Variants in BCAR1 observed in about 807,000 individuals in gnomAD.
BCAR1 encodes breast cancer anti-estrogen resistance protein 1.
Under a neutral mutation model 67.6 loss-of-function variants are expected in BCAR1, and 30 were observed. The observed-to-expected ratio is 0.44, with a 90% CI of 0.33 to 0.60. The LOEUF (loss-of-function observed/expected upper bound fraction) is 0.60. Among genes scored for constraint, BCAR1 ranks in the 20% least tolerant of loss-of-function variants. BCAR1 has a pLI of 0.02. For missense variants in BCAR1, 1,313 were observed against 1,222.3 expected, an observed-to-expected ratio of 1.07 and a Z score of -1.11; for synonymous variants, 626 against 556.7, an observed-to-expected ratio of 1.12 and a Z score of -1.75.
intron 5 of BCAR1, among the ~76,000 whole-genome samples, 181 bp downstream of exon 5, chr16:75,234,708 G>T (rs1474795823): frequency 6.6e-6 from 1 of 152,242 alleles, no homozygotes; most frequent in East Asian, 1.9e-4. Context: ...GGGACTCAAC[G>T]AAGGGCTCGA....
intron 6 of BCAR1, among the ~76,000 whole-genome samples, chr16:75,231,258 T>C (rs1253709213): frequency 3.9e-5 from 6 of 152,098 alleles, no homozygotes. Flanking sequence ...CTAATTTTTG[T>C]ATTTTTGGTA....
In BCAR1 at chr16:75,247,864, C is replaced by T; in HGVS notation, c.12+3607G>A. 1.3e-5 allele frequency: 8 copies of T among 621,814 alleles called. No homozygotes were observed. In the Middle Eastern group the frequency reaches 2.4e-3, roughly 186 times the overall value. The allele number at this position is 621,814 out of a possible 1,614,324, so 38.5% of individuals were successfully genotyped here. On this transcript the variant is annotated intron_variant, in intron 1 of 6. Coordinates refer to ENST00000162330, the MANE Select transcript of BCAR1 (RefSeq NM_014567.5). ...CAAGGTGGGAGCTGGGAGAAAATGGCAAGAACTCCTGTTCTCTGCCCAAGA... is the reference window on the plus strand; with the variant it reads ...CAAGGTGGGAGCTGGGAGAAAATGGTAAGAACTCCTGTTCTCTGCCCAAGA...
rs767260706 is a variant in BCAR1, at chr16:75,235,513, G to T, written c.1386C>A (p.Ala462=). The change falls in exon 5 of 7, where the codon GCC becomes GCA. Residue 462 remains alanine, a synonymous_variant. Transcript: ENST00000162330. ...TCACACCCTGCTGCAGCCGTGCCAG[G>T]GCCTCCACAGCAACTTCCAGCTCCA... ...EPLELEVAVE[A]LARLQQGVSA... is the part of the protein sequence containing the mutation. 1.9e-6 allele frequency: 3 copies of T among 1,596,644 alleles called. No homozygotes were observed. The highest frequency in any genetic ancestry group is 2.6e-6 in the Non-Finnish European group (3 of 1,172,492).
At chr16:75,238,284 C>T (rs1003858564) in intron 2 of BCAR1, 1 of 1,156,326 alleles carries the variant, frequency 8.6e-7, no homozygotes, top group Non-Finnish European at 1.1e-6. Flanking sequence ...GATTCTCCAG[C>T]CCCCGGGCAC....
intron 4 of BCAR1, chr16:75,236,616 T>C (rs750498171): frequency 1.3e-5 from 7 of 536,282 alleles, no homozygotes; most frequent in Non-Finnish European, 2.2e-5. Flanking sequence ...CCAGGTGAGA[T>C]GACACATCCC....
chr16:75,234,857 AGAG>A (rs751064514), intron 5 of BCAR1, 29 bp downstream of exon 5: 2 of 1,516,354 alleles, frequency 1.3e-6, no homozygotes, highest in Admixed American at 2.2e-5. Flanking sequence ...GCGTGGCAGA[AGAG>A]GAGCCGGGGC....
At chr16:75,260,278 C>G (rs1460124726) in intron 1 of BCAR1, among the ~76,000 whole-genome samples, 1 of 152,144 alleles carries the variant, frequency 6.6e-6, no homozygotes, top group Admixed American at 6.6e-5. Context: ...CAAACTTAAG[C>G]CAGGGTGATA....
intron 1 of BCAR1, among the ~76,000 whole-genome samples, chr16:75,250,293 C>T (rs1474811319): frequency 6.6e-6 from 1 of 152,168 alleles, no homozygotes; most frequent in Non-Finnish European, 1.5e-5. Flanking sequence ...CCCCGCCACC[C>T]CCGTACCTGG....
At chr16:75,233,566 G>A (rs915830061) in intron 6 of BCAR1, among the ~76,000 whole-genome samples, 9 of 152,342 alleles carry the variant, frequency 5.9e-5, no homozygotes, top group East Asian at 3.9e-4. Context: ...AGCCAGCCCC[G>A]TGCTGAGCCT....
intron 1 of BCAR1, chr16:75,266,120 T>G: frequency 1.2e-6 from 1 of 809,888 alleles, no homozygotes; most frequent in Non-Finnish European, 1.5e-6. Context: ...AGGCGCGGTC[T>G]CCTCCGCTCC....
At chr16:75,259,755 G>C (rs866327867) in intron 1 of BCAR1, among the ~76,000 whole-genome samples, 1 of 151,334 alleles carries the variant, frequency 6.6e-6, no homozygotes, top group African/African-American at 2.4e-5. Context: ...GGGAGGCTGA[G>C]GCAGGAGAAT....
In BCAR1 at chr16:75,237,439, C is replaced by T. The variant is rs549822248; in HGVS notation, c.634-95G>A. 3.0e-5 allele frequency: 40 copies of T among 1,352,790 alleles called. No homozygotes were observed. The East Asian group carries it at 1.1e-3, about 39-fold the overall frequency. 83.8% of individuals were successfully genotyped at this position (1,352,790 alleles called of 1,614,324 possible). A position where few individuals can be genotyped will look rare whatever the true frequency, so the allele number is the denominator to read the frequency against. On this transcript the variant is annotated intron_variant, in intron 2 of 6. Coordinates refer to ENST00000162330, the MANE Select transcript of BCAR1 (RefSeq NM_014567.5). ...GAGCCACGTCCTTTTAGGAGGTGGG[C>T]AGGGCACACCAGGTGGAAGGGACGG...
intron 1 of BCAR1, among the ~76,000 whole-genome samples, chr16:75,260,974 C>A (rs1034655812): frequency 4.6e-5 from 7 of 152,168 alleles, no homozygotes; most frequent in African/African-American, 1.4e-4. Context: ...TGCTTCAAAT[C>A]CTTCTTGGAA....
intron 1 of BCAR1, chr16:75,263,922 A>G (rs2077954917): frequency 9.3e-7 from 1 of 1,080,984 alleles, no homozygotes; most frequent in Admixed American, 5.2e-5. Flanking sequence ...CACCTCACAC[A>G]CTGCCCAAGG....
chr16:75,229,225 C>G lies in BCAR1; in HGVS notation c.*286G>C. The G allele has an allele frequency of 5.0e-6, 2 of 396,976 alleles. No homozygotes were observed. Among genetic ancestry groups the G allele is most frequent in the East Asian group, 4.2e-5 (1 of 23,818 alleles). 24.6% of individuals were successfully genotyped at this position (396,976 alleles called of 1,614,324 possible). ...TCGGGGTGGCACGAGGTCCTGCAGG[C>G]TGCAGGACCCTCACACTCCAGCCCC... On this transcript the variant is annotated 3_prime_UTR_variant, in exon 7 of 7. Transcript: ENST00000162330.
At position 75,235,424 on chromosome 16, in the gene BCAR1, C is replaced by A. The variant is rs1474745215; in HGVS notation, c.1475G>T (p.Ser492Ile). Residue 492 changes from serine to isoleucine, a missense_variant, in exon 5 of 7, where the codon AGC becomes ATC. Transcript: ENST00000162330. ...GSAGATGSWR[S>I]PSEPQEPLVQ... is the part of the protein sequence containing the mutation. ...CAGCGGCTCCTGTGGCTCAGAGGGG[C>A]TACGCCAGCTCCCAGTCGCACCGGC... 1 of 1,608,270 alleles carries A rather than the reference C, an allele frequency of 6.2e-7. No individual in the cohort carries two copies.
chr16:75,255,848 G>A (rs747273099), upstream of BCAR1, among the ~76,000 whole-genome samples: 8 of 152,014 alleles, frequency 5.3e-5, no homozygotes, highest in Admixed American at 3.3e-4. Context: ...AAAATTAGCC[G>A]GGCGTGGTGG....
chr16:75,259,969 G>A (rs1012229957), intron 1 of BCAR1, among the ~76,000 whole-genome samples: 1 of 152,118 alleles, frequency 6.6e-6, no homozygotes, highest in Non-Finnish European at 1.5e-5. Flanking sequence ...CAAGGCGGGT[G>A]GATCACCTGA....
chr16:75,230,202 T>C (rs538412582), intron 6 of BCAR1, among the ~76,000 whole-genome samples, 179 bp from the exon 7 acceptor site: 1 of 152,320 alleles, frequency 6.6e-6, no homozygotes, highest in South Asian at 2.1e-4. Flanking sequence ...ATGGCAAGCC[T>C]TCTGGAGGTT....
Sources: gnomAD v4.1 joint callset for allele counts (sites outside exome capture counted in the v4.1 genomes callset) on GRCh38, gnomAD v4.1.1 for gene constraint, MANE v1.5 for transcripts, NCBI Gene and HGNC (gene_info 2026-07-23, HGNC 2026-07-21) for gene names.